The following GABBR2 variants were observed in gnomAD, a reference collection of about 807,000 sequenced individuals.
GABBR2 encodes the protein gamma-aminobutyric acid type B receptor subunit 2.
In GABBR2, 23 loss-of-function variants were observed where a neutral mutation model predicts 105.6. The observed-to-expected ratio is 0.22, with a 90% CI of 0.16 to 0.31. The LOEUF (loss-of-function observed/expected upper bound fraction) is 0.31, where lower values mean the gene tolerates loss of function less well. Among genes scored for constraint, GABBR2 ranks in the 10% least tolerant of loss-of-function variants. The pLI is 1.00. For synonymous variants in GABBR2, 478 were observed against 499.7 expected (o/e 0.96, Z 0.58); for missense variants, 734 against 1,245.5 (o/e 0.59, Z 6.18).
chr9:98,599,504 G>A (rs1177037322), intron 1 of GABBR2, among the ~76,000 whole-genome samples: 2 of 152,184 alleles, frequency 1.3e-5, no homozygotes, highest in Non-Finnish European at 2.9e-5. Context: ...AAGAAACCAG[G>A]GGAATCTTAA....
chr9:98,576,201 C>T (rs1046500010), intron 2 of GABBR2, among the ~76,000 whole-genome samples: 6 of 152,196 alleles, frequency 3.9e-5, no homozygotes, highest in African/African-American at 1.4e-4. Flanking sequence ...TGAAACAGAT[C>T]CTCTATGTGG....
At chr9:98,625,998 G>T (rs1367881193) in intron 1 of GABBR2, among the ~76,000 whole-genome samples, 1 of 152,208 alleles carries the variant, frequency 6.6e-6, no homozygotes, top group South Asian at 2.1e-4. Flanking sequence ...CAGGGCTCAG[G>T]AATGTGCATA....
At chr9:98,568,638 C>T (rs1369354938) in intron 2 of GABBR2, among the ~76,000 whole-genome samples, 2 of 152,154 alleles carry the variant, frequency 1.3e-5, no homozygotes, top group Non-Finnish European at 2.9e-5. Flanking sequence ...GAGCCTGCCA[C>T]ATGTTCCCCT....
intron 13 of GABBR2, among the ~76,000 whole-genome samples, chr9:98,322,305 T>A (rs1485278865): frequency 6.6e-6 from 1 of 152,136 alleles, no homozygotes; most frequent in African/African-American, 2.4e-5. Context: ...CTGGCGTCTC[T>A]CCAGCCTTTC....
intron 2 of GABBR2, among the ~76,000 whole-genome samples, chr9:98,575,931 G>A (rs772309254): frequency 1.3e-5 from 2 of 152,122 alleles, no homozygotes; most frequent in Admixed American, 6.5e-5. Flanking sequence ...CTGCAGCGGC[G>A]CTCTCCCCCA....
intron 1 of GABBR2, among the ~76,000 whole-genome samples, chr9:98,690,582 G>A (rs778840557): frequency 6.6e-6 from 1 of 152,132 alleles, no homozygotes; most frequent in Non-Finnish European, 1.5e-5. Flanking sequence ...CTGGAACCTG[G>A]CAGGTCTCAG....
intron 2 of GABBR2, among the ~76,000 whole-genome samples, chr9:98,563,799 T>A (rs1205615927): frequency 2.0e-5 from 3 of 152,186 alleles, no homozygotes; most frequent in East Asian, 3.8e-4. Flanking sequence ...CTCTTCATCA[T>A]GGAAATAATA....
intron 7 of GABBR2, among the ~76,000 whole-genome samples, chr9:98,445,076 A>G (rs1181482740): frequency 2.0e-5 from 3 of 152,248 alleles, no homozygotes; most frequent in Non-Finnish European, 4.4e-5. Context: ...ACAGAGTAGA[A>G]AAGTGTGATT....
Position 98,341,376 on chromosome 9 carries a change from G to A in GABBR2, c.1893+21339C>T, listed in dbSNP as rs553972844. Among the ~76,000 whole-genome samples the A allele has an allele frequency of 1.1e-3, 164 of 152,276 alleles. 1 individual carries two copies. Among genetic ancestry groups the A allele is most frequent in the African/African-American group, 3.6e-3 (150 of 41,536 alleles). On this transcript the variant is annotated intron_variant, in intron 13 of 18. Coordinates refer to ENST00000259455, the MANE Select transcript of GABBR2 (RefSeq NM_005458.8). ...TGGCATATCATTCCAATTAAATCTC[G>A]CCTGAAGTTCTTGTTTTAATAACTT...
intron 1 of GABBR2, among the ~76,000 whole-genome samples, chr9:98,680,515 TA>T (rs1409569096): frequency 2.0e-5 from 3 of 152,070 alleles, no homozygotes; most frequent in Non-Finnish European, 4.4e-5. Context: ...TTCACCGTGT[TA>T]GCCATGATGG....
Position 98,708,629 on chromosome 9 carries a change from G to T in GABBR2, c.109C>A (p.Pro37Thr), listed in dbSNP as rs1830934863. 1.6e-6 allele frequency: 2 copies of T among 1,274,044 alleles called. No individual in the cohort carries two copies. The highest frequency in any genetic ancestry group is 3.0e-4 in the Middle Eastern group (1 of 3,386). 78.9% of individuals were successfully genotyped at this position (1,274,044 alleles called of 1,614,324 possible). The change falls in exon 1 of 19, where the codon CCC becomes ACC. Residue 37 changes from proline (P) to threonine (T), a missense_variant. Transcript: ENST00000259455. ...LLLPLLLPLA[P>T]GAWGWARGAP... The stretch of plus-strand genomic sequence containing the variant: ...CCCCGCGCCCAGCCCCAGGCCCCGG[G>T]CGCCAGAGGCAGCAGCAGCGGCAGC...
At chr9:98,685,515 T>C (rs1830609612) in intron 1 of GABBR2, among the ~76,000 whole-genome samples, 1 of 152,208 alleles carries the variant, frequency 6.6e-6, no homozygotes, top group Non-Finnish European at 1.5e-5. Flanking sequence ...AGGGCATGAA[T>C]GATGCTTCAA....
At chr9:98,548,960 G>C (rs1479224766) in intron 2 of GABBR2, among the ~76,000 whole-genome samples, 1 of 121,142 alleles carries the variant, frequency 8.3e-6, no homozygotes, top group African/African-American at 2.6e-5. Context: ...CTTTGAGATG[G>C]AGTCCTGCTC....
chr9:98,306,307 G>C lies in GABBR2; in HGVS notation c.2043C>G (p.Val681=). 6.2e-7 allele frequency: 1 copy of C among 1,614,070 alleles called. No homozygotes were observed. Among genetic ancestry groups the C allele is most frequent in the Non-Finnish European group, 8.5e-7 (1 of 1,179,894 alleles). Residue 681 remains valine, a synonymous_variant, in exon 15 of 19, where the codon GTC becomes GTG. Coordinates refer to ENST00000259455, the MANE Select transcript of GABBR2 (RefSeq NM_005458.8). This position sits in a 1 kb window ranked among gnomAD's most constrained non-coding sequence, Gnocchi z 5.4. ...TGCTGTCGTTGAGTGCGGGGATGCT[G>C]ACGTTGCGGGTCTCCCAAGCTAAGA... ...GCFLAWETRN[V]SIPALNDSKY... is the part of the protein sequence containing the mutation.
rs138713100 is a variant in GABBR2, at chr9:98,538,585, G to T, written c.630+3288C>A. 834 of 983,816 alleles carry T rather than the reference G, an allele frequency of 8.5e-4. 14 individuals are homozygous for T. In the East Asian group the frequency reaches 0.039, roughly 46 times the overall value. The allele number at this position is 983,816 out of a possible 1,614,324, so 60.9% of individuals were successfully genotyped here. A position where few individuals can be genotyped will look rare whatever the true frequency, so the allele number is the denominator to read the frequency against. ...GTTGGAGGTGCTCACAGGAGCAGCTGGTCCCCAGGTGGGATGGCCCTCAGC... is the reference window on the plus strand; with the variant it reads ...GTTGGAGGTGCTCACAGGAGCAGCTTGTCCCCAGGTGGGATGGCCCTCAGC... On this transcript the variant is annotated intron_variant, in intron 3 of 18. Transcript: ENST00000259455.
At chr9:98,687,448 G>C (rs2131875634) in intron 1 of GABBR2, among the ~76,000 whole-genome samples, 2 of 152,238 alleles carry the variant, frequency 1.3e-5, no homozygotes, top group Middle Eastern at 6.8e-3. Context: ...GACTTAGCAG[G>C]ATTCTTGCTA....
chr9:98,380,231 G>C (rs1349573566), intron 11 of GABBR2, among the ~76,000 whole-genome samples: 1 of 152,206 alleles, frequency 6.6e-6, no homozygotes, highest in African/African-American at 2.4e-5. Context: ...GAGGGCACAG[G>C]CTCGGGAGTT....
chr9:98,682,658 G>A lies in GABBR2; in HGVS notation c.321+25759C>T, dbSNP rs918525303. Among the ~76,000 whole-genome samples the A allele has an allele frequency of 3.9e-5, 6 of 152,018 alleles. No homozygotes were observed. The South Asian group carries it at 6.2e-4, about 16-fold the overall frequency. ...CCCAAAGTGCTGGGATAACAGGCGT[G>A]AGCCACCACTGCACCTGGCCTGATT... On this transcript the variant is annotated intron_variant, in intron 1 of 18. Coordinates refer to ENST00000259455, the MANE Select transcript of GABBR2 (RefSeq NM_005458.8).
intron 13 of GABBR2, among the ~76,000 whole-genome samples, chr9:98,340,927 G>A (rs1280516926): frequency 1.3e-5 from 2 of 152,262 alleles, no homozygotes; most frequent in East Asian, 3.8e-4. Context: ...AAGCCAGGAT[G>A]TCACACAAGT....
Sources: gnomAD v4.1 joint callset for allele counts (sites outside exome capture counted in the v4.1 genomes callset) on GRCh38, gnomAD v4.1.1 for gene constraint, Gnocchi (gnomAD v3.1) non-coding constraint, MANE v1.5 for transcripts, NCBI Gene and HGNC (gene_info 2026-07-23, HGNC 2026-07-21) for gene names.